The following ZSWIM9 variants were observed in gnomAD, a reference collection of about 807,000 sequenced individuals.
ZSWIM9 encodes zinc finger SWIM-type containing 9.
ZSWIM9 carries 11 observed loss-of-function variants against 25.0 expected under a neutral mutation model. The ratio of observed to expected loss-of-function variants is 0.44; its 90% CI spans 0.28 to 0.73. The LOEUF is 0.73. ZSWIM9 is among the 30% of genes least tolerant of loss of function. The probability of loss-of-function intolerance (pLI) is 0.16; values close to 1 mark genes in which losing one functional copy is unlikely to be tolerated. For synonymous variants in ZSWIM9, 562 were observed against 582.1 expected, an observed-to-expected ratio of 0.97 and a Z score of 0.50; for missense variants, 1,070 against 1,296.5, an observed-to-expected ratio of 0.83 and a Z score of 2.68.
At position 48,182,525 on chromosome 19, in the gene ZSWIM9, ACGGAGTGC is replaced by A; in HGVS notation, c.348_355del (p.Glu117AlafsTer338). Reference sequence around the variant, plus strand: ...CCCGCTGCGGGACCGCCTCGTGGTGACGGAGTGCCAGCTGACCCACTCACACCCGGCCT... The same window carrying A: ...CCCGCTGCGGGACCGCCTCGTGGTGACAGCTGACCCACTCACACCCGGCCT... On this transcript the variant is annotated frameshift_variant, in exon 3 of 4. Coordinates refer to ENST00000614654, the MANE Select transcript of ZSWIM9 (RefSeq NM_199341.4). LOFTEE classifies it high-confidence loss of function. This position sits in a 1 kb window ranked among gnomAD's most constrained non-coding sequence, Gnocchi z 4.6. 6.5e-7 allele frequency: 1 copy of A among 1,535,818 alleles called. No individual in the cohort carries two copies. Among genetic ancestry groups the A allele is most frequent in the Non-Finnish European group, 8.7e-7 (1 of 1,146,752 alleles).
intron 2 of ZSWIM9, among the ~76,000 whole-genome samples, chr19:48,178,098 A>G (rs935332571): frequency 3.3e-5 from 5 of 152,152 alleles, no homozygotes; most frequent in Non-Finnish European, 5.9e-5. Context: ...GGGTTTGCCT[A>G]TGTTGGCCAG....
intron 1 of ZSWIM9, chr19:48,171,423 G>A (rs999551806): frequency 3.1e-6 from 3 of 978,826 alleles, no homozygotes; most frequent in Non-Finnish European, 3.6e-6. Flanking sequence ...AAGGGGAGGA[G>A]GTTTTAGCTG....
chr19:48,196,141 G>A lies in ZSWIM9; in HGVS notation c.2077G>A (p.Gly693Arg), dbSNP rs902229197. The A allele has an allele frequency of 8.1e-7, 1 of 1,240,258 alleles. No individual in the cohort carries two copies. Among genetic ancestry groups the A allele is most frequent in the South Asian group, 3.9e-5 (1 of 25,658 alleles). The allele number at this position is 1,240,258 out of a possible 1,614,324, so 76.8% of individuals were successfully genotyped here. Residue 693 changes from glycine (G) to arginine (R), a missense_variant, in exon 4 of 4, where the codon GGG becomes AGG. Around this residue, in one of 4 missense-constraint regions of ZSWIM9, gnomAD observed 583 missense variants for 624.7 expected, o/e 0.93. Coordinates refer to ENST00000614654, the MANE Select transcript of ZSWIM9 (RefSeq NM_199341.4). ...GPQWEDERRR[G>R]PEIAEERGAR... ...CCAGTGGGAAGATGAGAGGAGGAGA[G>A]GGCCAGAGATTGCAGAGGAGAGGGG...
At chr19:48,187,659 T>G (rs1184920209) in intron 3 of ZSWIM9, 1 of 128,980 alleles carries the variant, frequency 7.8e-6, no homozygotes, top group East Asian at 2.1e-4. Flanking sequence ...GATAATATAA[T>G]AGGTGCGATG....
In ZSWIM9 at chr19:48,171,987, C is replaced by T. The variant is rs902369689; in HGVS notation, c.185C>T (p.Pro62Leu). Residue 62 changes from proline (P) to leucine (L), a missense_variant, in exon 2 of 4, where the codon CCC becomes CTC. Pro to Leu is a moderately conservative substitution (Grantham distance 98). Around this residue, in one of 4 missense-constraint regions of ZSWIM9, gnomAD observed 265 missense variants for 339.0 expected, o/e 0.78. Transcript: ENST00000614654. ...GCGCGCTGCCGCTGGGCCAGTGCGCCCCCGCTCTACACGCTCATCGACGTG... is the reference window on the plus strand; with the variant it reads ...GCGCGCTGCCGCTGGGCCAGTGCGCTCCCGCTCTACACGCTCATCGACGTG... ...HLARCRWASAPPLYTLIDVLK... is the reference protein window; with the variant it reads ...HLARCRWASALPLYTLIDVLK... The T allele has an allele frequency of 1.6e-5, 25 of 1,535,716 alleles. No homozygotes were observed. Among genetic ancestry groups the T allele is most frequent in the Non-Finnish European group, 2.1e-5 (24 of 1,146,628 alleles).
chr19:48,171,172 G>C (rs1484216764), intron 1 of ZSWIM9: 1 of 957,284 alleles, frequency 1.0e-6, no homozygotes, highest in Non-Finnish European at 1.2e-6. Context: ...CATGTGGCGA[G>C]CCATAGGGTC....
At chr19:48,171,542 A>G (rs190892371) in intron 1 of ZSWIM9, 1 of 356,620 alleles carries the variant, frequency 2.8e-6, no homozygotes, top group East Asian at 1.6e-4. Flanking sequence ...TCTGCGGAGG[A>G]GGAGACGAGT....
chr19:48,172,135 T>TCCCCGGGGGGGGGGGGGG, intron 2 of ZSWIM9, 58 bp downstream of exon 2: 1 of 386,926 alleles, frequency 2.6e-6, no homozygotes, highest in Non-Finnish European at 4.5e-6. Flanking sequence ...GGGGTGGGTG[T>TCCCCGGGGGGGGGGGGGG]GGGTGGGAGA....
intron 2 of ZSWIM9, among the ~76,000 whole-genome samples, chr19:48,179,247 G>C (rs1350946647): frequency 6.6e-6 from 1 of 151,950 alleles, no homozygotes; most frequent in Non-Finnish European, 1.5e-5. Flanking sequence ...TATAACCTCG[G>C]ATTCCTGGGC....
chr19:48,187,445 ATAT>A (rs1437871744), intron 3 of ZSWIM9, among the ~76,000 whole-genome samples: 5 of 102,930 alleles, frequency 4.9e-5, no homozygotes, highest in South Asian at 2.4e-4. Flanking sequence ...TATATATATT[ATAT>A]ATTATATATT....
rs1278073565 is a variant in ZSWIM9, at chr19:48,194,082, G to A, written c.589-571G>A. On this transcript the variant is annotated intron_variant, in intron 3 of 3. Transcript: ENST00000614654. The surrounding 1 kb of genome is among the most constrained non-coding windows in gnomAD (Gnocchi z 6.0). Reference sequence around the variant, plus strand: ...ATCGCAGGGTTCAGAAGTGTTGGGGGTGGGACTCAAAGCTAAATGATCTGC... The same window carrying A: ...ATCGCAGGGTTCAGAAGTGTTGGGGATGGGACTCAAAGCTAAATGATCTGC... 1.3e-5 allele frequency among the ~76,000 whole-genome samples: 2 copies of A among 152,164 alleles called. No individual in the cohort carries two copies. The highest frequency in any genetic ancestry group is 2.4e-5 in the African/African-American group (1 of 41,446).
chr19:48,188,771 C>T (rs757629895), intron 3 of ZSWIM9, among the ~76,000 whole-genome samples: 2 of 152,108 alleles, frequency 1.3e-5, no homozygotes, highest in Non-Finnish European at 2.9e-5. Flanking sequence ...ATGGCTCACA[C>T]CTGTAAGCCC....
chr19:48,183,984 G>C (rs1362224697), intron 3 of ZSWIM9, among the ~76,000 whole-genome samples: 1 of 151,242 alleles, frequency 6.6e-6, no homozygotes, highest in East Asian at 1.9e-4. Context: ...TGCACAAACA[G>C]AAAATGCACA....
chr19:48,172,609 G>A (rs1008892682), intron 2 of ZSWIM9, among the ~76,000 whole-genome samples: 13 of 152,164 alleles, frequency 8.5e-5, no homozygotes, highest in Admixed American at 2.6e-4. Flanking sequence ...CACCTCCCGA[G>A]TTCAAGCGTT....
chr19:48,183,283 AC>A, intron 3 of ZSWIM9, among the ~76,000 whole-genome samples: 1 of 152,020 alleles, frequency 6.6e-6, no homozygotes, highest in Admixed American at 6.6e-5. Flanking sequence ...GCGTGCCACC[AC>A]GCCGGCTAAT....
At chr19:48,184,479 C>T (rs1474007555) in intron 3 of ZSWIM9, among the ~76,000 whole-genome samples, 1 of 152,110 alleles carries the variant, frequency 6.6e-6, no homozygotes, top group East Asian at 1.9e-4. Context: ...GCCTTTGTCT[C>T]CCTTGTGTGT....
In ZSWIM9 at chr19:48,171,974, T is replaced by C. The variant is rs1374249556; in HGVS notation, c.172T>C (p.Trp58Arg). The C allele has an allele frequency of 1.3e-6, 2 of 1,532,918 alleles. No individual in the cohort carries two copies. The highest frequency in any genetic ancestry group is 2.5e-5 in the East Asian group (1 of 40,678). The allele number at this position is 1,532,918 out of a possible 1,614,324, so 95.0% of individuals were successfully genotyped here. ...CTCCATGCACCTGGCGCGCTGCCGC[T>C]GGGCCAGTGCGCCCCCGCTCTACAC... ...KSSMHLARCR[W>R]ASAPPLYTLI... Residue 58 changes from tryptophan (W) to arginine (R), a missense_variant, in exon 2 of 4, where the codon TGG (tryptophan) becomes CGG (arginine). Physicochemically the swap from Trp to Arg is moderately radical, Grantham distance 101. Around this residue, in one of 4 missense-constraint regions of ZSWIM9, gnomAD observed 265 missense variants for 339.0 expected, o/e 0.78. Coordinates refer to ENST00000614654, the MANE Select transcript of ZSWIM9 (RefSeq NM_199341.4).
At chr19:48,179,577 C>T (rs2036926847) in intron 2 of ZSWIM9, among the ~76,000 whole-genome samples, 1 of 152,180 alleles carries the variant, frequency 6.6e-6, no homozygotes, top group African/African-American at 2.4e-5. Context: ...AACTCTTGCT[C>T]ACACACATAA....
intron 3 of ZSWIM9, chr19:48,190,593 C>T (rs929868785): frequency 1.9e-5 from 3 of 154,854 alleles, no homozygotes; most frequent in African/African-American, 7.2e-5. Flanking sequence ...TCACATGACA[C>T]TGCTTACCTG....
Sources: gnomAD v4.1 joint callset for allele counts (sites outside exome capture counted in the v4.1 genomes callset) on GRCh38, gnomAD v4.1.1 for gene constraint, gnomAD v4.1.1 regional missense constraint, Gnocchi (gnomAD v3.1) non-coding constraint, MANE v1.5 for transcripts, NCBI Gene and HGNC (gene_info 2026-07-23, HGNC 2026-07-21) for gene names.